The following DNAH5 variants were observed in gnomAD, a reference collection of about 807,000 sequenced individuals.
DNAH5 encodes axonemal beta dynein heavy chain 5.
A neutral mutation model predicts 518.2 loss-of-function variants in DNAH5; 372 were observed. That is an observed-to-expected ratio of 0.72 (90% CI 0.66 to 0.78). The LOEUF (loss-of-function observed/expected upper bound fraction) is 0.78, where lower values mean the gene tolerates loss of function less well. Ranked by LOEUF, DNAH5 falls within the 30% of genes least tolerant of loss-of-function variation. The probability of loss-of-function intolerance (pLI) is 0.00; values close to 1 mark genes in which losing one functional copy is unlikely to be tolerated. For missense variants in DNAH5, 5,523 were observed against 5,687.0 expected (o/e 0.97, Z 0.93); for synonymous variants, 2,039 against 2,025.9 (o/e 1.01, Z -0.17).
At chr5:13,896,654 C>T (rs1053696591) in intron 15 of DNAH5, 2 of 152,178 alleles carry the variant, frequency 1.3e-5, no homozygotes, top group Admixed American at 1.3e-4. Flanking sequence ...CAGTGCCTGG[C>T]ACATAGGAGA....
At chr5:13,725,757 C>T (rs115041018) in intron 70 of DNAH5, among the ~76,000 whole-genome samples, 8,036 of 152,220 alleles carry the variant, frequency 0.053, 288 homozygotes, top group Admixed American at 0.082. Flanking sequence ...CAAGTTCAAG[C>T]GATTCTCCTG....
At chr5:13,808,939 G>A (rs1324179144) in intron 46 of DNAH5, 105 bp downstream of exon 46, 8 of 1,415,584 alleles carry the variant, frequency 5.7e-6, no homozygotes, top group Admixed American at 1.7e-5. Flanking sequence ...CAGCCTGGGC[G>A]ACAGAGTGAG....
At chr5:13,797,979 T>C (rs1329700742) in intron 47 of DNAH5, among the ~76,000 whole-genome samples, 2 of 145,504 alleles carry the variant, frequency 1.4e-5, no homozygotes, top group East Asian at 4.1e-4. Context: ...CTGCATGTTC[T>C]CACTCATAGG....
At chr5:13,748,562 T>C (rs1040566002) in intron 65 of DNAH5, among the ~76,000 whole-genome samples, 2 of 152,186 alleles carry the variant, frequency 1.3e-5, no homozygotes, top group African/African-American at 4.8e-5. Flanking sequence ...CGTTTAGCAG[T>C]GGTTTGTAGT....
Position 13,720,985 on chromosome 5 carries a change from AC to A in DNAH5, c.12279+14del. ...TATGAACAGCATGGCACAAAAGTAGACTATTCAGCCTTACGTTCGCCATGGT... is the reference window on the plus strand; with the variant it reads ...TATGAACAGCATGGCACAAAAGTAGATATTCAGCCTTACGTTCGCCATGGT... On this transcript the variant is annotated intron_variant, in intron 71 of 78. Transcript: ENST00000265104. 1 of 1,614,096 alleles carries A rather than the reference AC, an allele frequency of 6.2e-7. No homozygotes were observed.
chr5:13,907,163 G>A (rs1037861227), intron 12 of DNAH5, among the ~76,000 whole-genome samples: 12 of 152,080 alleles, frequency 7.9e-5, no homozygotes, highest in Non-Finnish European at 1.6e-4. Context: ...AGGCACGGTG[G>A]CTCACGACTG....
chr5:13,828,335 A>G (rs1326291378), intron 38 of DNAH5, among the ~76,000 whole-genome samples: 2 of 152,244 alleles, frequency 1.3e-5, no homozygotes, highest in African/African-American at 4.8e-5. Context: ...ATATGTTAGG[A>G]AGTGTTATTC....
intron 3 of DNAH5, among the ~76,000 whole-genome samples, chr5:13,924,590 G>A (rs925560646): frequency 5.9e-5 from 9 of 151,300 alleles, no homozygotes; most frequent in East Asian, 1.9e-4. Flanking sequence ...CAGGAGAATC[G>A]CTTGAACCCA....
At chr5:13,705,023 G>T (rs1002834948) in intron 76 of DNAH5, among the ~76,000 whole-genome samples, 5 of 149,866 alleles carry the variant, frequency 3.3e-5, no homozygotes, top group African/African-American at 1.2e-4. Flanking sequence ...AGGGAGTCTC[G>T]CTCTGTCACC....
At chr5:13,737,883 G>A (rs1445227756) in intron 65 of DNAH5, among the ~76,000 whole-genome samples, 2 of 151,926 alleles carry the variant, frequency 1.3e-5, no homozygotes, top group Admixed American at 1.3e-4. Context: ...CCAACATAGT[G>A]AAAACCTGTC....
chr5:13,959,841 C>CCTGTGATCCCAGCCACTCGGGAGG (rs1380887779), intron 1 of DNAH5, among the ~76,000 whole-genome samples: 1 of 152,158 alleles, frequency 6.6e-6, no homozygotes, highest in East Asian at 1.9e-4. Context: ...GTGACACATG[C>CCTGTGATCCCAGCCACTCGGGAGG]CTGTGATCCC....
intron 65 of DNAH5, among the ~76,000 whole-genome samples, chr5:13,741,872 A>G (rs1303393766): frequency 6.6e-6 from 1 of 152,162 alleles, no homozygotes; most frequent in African/African-American, 2.4e-5. Context: ...AAACTCTGCA[A>G]GCCTCAGTAT....
chr5:13,891,364 T>A (rs549999336), intron 16 of DNAH5, among the ~76,000 whole-genome samples: 58 of 152,198 alleles, frequency 3.8e-4, no homozygotes, highest in Non-Finnish European at 7.1e-4. Flanking sequence ...CCCTTCTAAT[T>A]TGATTATGAT....
At chr5:13,818,486 C>T (rs1761770482) in intron 41 of DNAH5, among the ~76,000 whole-genome samples, 1 of 152,194 alleles carries the variant, frequency 6.6e-6, no homozygotes, top group African/African-American at 2.4e-5. Flanking sequence ...CACTTCCTTG[C>T]GTATATCATG....
chr5:13,786,062 G>T (rs1195016690), intron 52 of DNAH5, 117 bp downstream of exon 52: 2 of 1,018,330 alleles, frequency 2.0e-6, no homozygotes, highest in Non-Finnish European at 3.0e-6. Context: ...ATAGCATGGA[G>T]TCTAATTTTA....
intron 74 of DNAH5, among the ~76,000 whole-genome samples, chr5:13,715,409 C>T (rs30173): frequency 0.39 from 59,554 of 151,952 alleles, 11,781 homozygotes; most frequent in South Asian, 0.44. Context: ...CAGGCACCCC[C>T]AAATTTATAC....
chr5:13,743,186 TGATA>T (rs1344655115), intron 65 of DNAH5, among the ~76,000 whole-genome samples: 2 of 151,976 alleles, frequency 1.3e-5, no homozygotes, highest in Non-Finnish European at 2.9e-5. Context: ...ATAGATATAT[TGATA>T]GATAGGTAGG....
Position 13,807,584 on chromosome 5 carries a change from C to G in DNAH5, c.7887+7G>C, listed in dbSNP as rs775316918. On this transcript the variant is annotated splice_region_variant and intron_variant, in intron 47 of 78. Transcript: ENST00000265104. ...GGGCTTACTGAGCCATACCAAAGAG[C>G]CAGTACCTGGAACATCAGTGGGGTG... is the stretch of plus-strand genomic sequence containing the variant. 8 of 1,613,156 alleles carry G rather than the reference C, an allele frequency of 5.0e-6. No homozygotes were observed. In the East Asian group the frequency reaches 1.6e-4, roughly 31 times the overall value.
At chr5:13,820,312 G>A in intron 41 of DNAH5, 34 bp downstream of exon 41, 4 of 1,602,342 alleles carry the variant, frequency 2.5e-6, no homozygotes, top group Non-Finnish European at 3.4e-6. Context: ...ACTTAAATGG[G>A]CCACCCCAGG....
Sources: allele counts gnomAD v4.1 joint callset (sites outside exome capture counted in the v4.1 genomes callset), GRCh38; gene constraint gnomAD v4.1.1; transcripts MANE v1.5; gene names NCBI Gene and HGNC (gene_info 2026-07-23, HGNC 2026-07-21).